Variants in TLL2 observed in about 807,000 individuals in gnomAD.
The protein encoded by TLL2 is tolloid-like protein 2.
Under a neutral mutation model 123.0 loss-of-function variants are expected in TLL2, and 106 were observed. That is an observed-to-expected ratio of 0.86 (90% CI 0.74 to 1.01). The LOEUF is 1.01. Among genes scored for constraint, TLL2 ranks in the 50% least tolerant of loss-of-function variants. TLL2 has a pLI of 0.00. For missense variants in TLL2, 1,332 were observed against 1,336.7 expected (o/e 1.00, Z 0.06); for synonymous variants, 494 against 516.8 (o/e 0.96, Z 0.60).
At chr10:96,461,145 T>A (rs145446472) in intron 2 of TLL2, among the ~76,000 whole-genome samples, 17 of 152,354 alleles carry the variant, frequency 1.1e-4, no homozygotes, top group African/African-American at 4.1e-4. Context: ...AAAAATTTAA[T>A]GGTATGGCTC....
chr10:96,379,684 T>A (rs1846168990), intron 16 of TLL2, among the ~76,000 whole-genome samples: 2 of 152,084 alleles, frequency 1.3e-5, no homozygotes, highest in Non-Finnish European at 2.9e-5. Flanking sequence ...TAGCCAGGCG[T>A]GGTGGTGCAT....
chr10:96,439,867 C>T (rs1171899578), intron 3 of TLL2, among the ~76,000 whole-genome samples: 2 of 152,058 alleles, frequency 1.3e-5, no homozygotes, highest in African/African-American at 4.8e-5. Flanking sequence ...CACTTTTGGC[C>T]CACACTATGT....
intron 1 of TLL2, among the ~76,000 whole-genome samples, chr10:96,499,719 G>GA (rs942478260): frequency 6.6e-6 from 1 of 152,086 alleles, no homozygotes; most frequent in African/African-American, 2.4e-5. Context: ...AATTTAGTAG[G>GA]AAAAGGGTTC....
rs558463753 is a variant in TLL2 at position 96,384,285 on chromosome 10, C to G, written c.2194+302G>C. 6.6e-5 allele frequency among the ~76,000 whole-genome samples: 10 copies of G among 152,328 alleles called. No homozygotes were observed. In the East Asian group the frequency reaches 1.9e-3, roughly 29 times the overall value. On this transcript the variant is annotated intron_variant, in intron 16 of 20. Transcript: ENST00000357947. ...GATTCTACCCTAGAACTTTCCGAGG[C>G]AGCATGGCCCTGCGAACACCTGGAT...
At chr10:96,411,794 T>A (rs189285153) in intron 8 of TLL2, among the ~76,000 whole-genome samples, 3 of 152,274 alleles carry the variant, frequency 2.0e-5, no homozygotes, top group Admixed American at 6.5e-5. Flanking sequence ...AGCTCCACAT[T>A]TTTTGGAGCT....
At position 96,395,923 on chromosome 10, in the gene TLL2, A is replaced by G; in HGVS notation, c.1482T>C (p.Ile494=). The G allele has an allele frequency of 6.2e-7, 1 of 1,614,216 alleles. No individual in the cohort carries two copies. The highest frequency in any genetic ancestry group is 8.5e-7 in the Non-Finnish European group (1 of 1,180,038). Residue 494 remains isoleucine, a synonymous_variant, in exon 12 of 21, where the codon ATT becomes ATC. Coordinates refer to ENST00000357947, the MANE Select transcript of TLL2 (RefSeq NM_012465.4). The stretch of plus-strand genomic sequence containing the variant: ...CCACGTGAAACCCCTCTGAAACCGT[A>G]ATCCTCCAGACACATTCCTTGGAAG... The part of the protein sequence containing the change: ...YRPSKECVWR[I]TVSEGFHVGL...
At chr10:96,464,071 C>T (rs1176815186) in intron 2 of TLL2, among the ~76,000 whole-genome samples, 2 of 152,152 alleles carry the variant, frequency 1.3e-5, no homozygotes, top group African/African-American at 2.4e-5. Flanking sequence ...TCTGTAGAAG[C>T]TGCCAGAACA....
chr10:96,370,401 C>A, intron 19 of TLL2, 86 bp from the exon 20 acceptor site: 1 of 1,465,356 alleles, frequency 6.8e-7, no homozygotes, highest in Non-Finnish European at 9.0e-7. Flanking sequence ...CTCTACAGAG[C>A]CTGGTGCGTG....
At chr10:96,464,931 C>A (rs1847113785) in intron 2 of TLL2, among the ~76,000 whole-genome samples, 1 of 152,126 alleles carries the variant, frequency 6.6e-6, no homozygotes, top group African/African-American at 2.4e-5. Flanking sequence ...TTTGTCCTTA[C>A]AAAAAAATCT....
intron 1 of TLL2, among the ~76,000 whole-genome samples, chr10:96,508,227 A>G (rs1329786162): frequency 6.6e-6 from 1 of 152,036 alleles, no homozygotes; most frequent in African/African-American, 2.4e-5. Context: ...TCCCAATGCC[A>G]CTCTGGGCAC....
chr10:96,370,642 G>T (rs1395884505), intron 19 of TLL2, among the ~76,000 whole-genome samples: 2 of 152,216 alleles, frequency 1.3e-5, no homozygotes, highest in Non-Finnish European at 2.9e-5. Flanking sequence ...CTCACTGGTC[G>T]CTGGGATATG....
rs138187841 is a variant in TLL2 at position 96,386,935 on chromosome 10, G to C, written c.1852+18C>G. 15 of 1,613,658 alleles carry C rather than the reference G, an allele frequency of 9.3e-6. No individual in the cohort carries two copies. In the African/African-American group the frequency reaches 1.7e-4, roughly 19 times the overall value. The stretch of plus-strand genomic sequence containing the variant: ...CCCATATACCCTCTCATTCTAGCTT[G>C]GCAGGTCCCACACCAACCTTCACAC... On this transcript the variant is annotated intron_variant, in intron 14 of 20. Coordinates refer to ENST00000357947, the MANE Select transcript of TLL2 (RefSeq NM_012465.4).
At chr10:96,371,430 G>A (rs1185749017) in intron 19 of TLL2, among the ~76,000 whole-genome samples, 1 of 152,212 alleles carries the variant, frequency 6.6e-6, no homozygotes, top group African/African-American at 2.4e-5. Flanking sequence ...CCTCCCCAGT[G>A]TGCTCCATGC....
chr10:96,387,068 C>T lies in TLL2; in HGVS notation c.1737G>A (p.Glu579=). 6.2e-7 allele frequency: 1 copy of T among 1,613,434 alleles called. No homozygotes were observed. Among genetic ancestry groups the T allele is most frequent in the Non-Finnish European group, 8.5e-7 (1 of 1,179,420 alleles). The change falls in exon 14 of 21, where the codon GAG becomes GAA. Residue 579 remains glutamate (E), a synonymous_variant. Transcript: ENST00000357947. ...ACCCGCCGTGATCTGGCCAGGAACA[C>T]TCATCCACCTCTGGTGGGGAAGGAA... ...FAANFFKEVD[E]CSWPDHGGCE... is the part of the protein sequence containing the mutation.
chr10:96,403,320 A>G (rs868175516), intron 10 of TLL2, among the ~76,000 whole-genome samples: 9 of 152,308 alleles, frequency 5.9e-5, no homozygotes, highest in East Asian at 3.9e-4. Flanking sequence ...TAGAAAGGGA[A>G]GACATAAGAG....
At chr10:96,464,476 G>A (rs899187904) in intron 2 of TLL2, among the ~76,000 whole-genome samples, 1 of 151,944 alleles carries the variant, frequency 6.6e-6, no homozygotes, top group Non-Finnish European at 1.5e-5. Context: ...TCACAACTCT[G>A]GCTCCCCTAC....
At chr10:96,397,831 C>A (rs1359198843) in intron 10 of TLL2, among the ~76,000 whole-genome samples, 1 of 152,190 alleles carries the variant, frequency 6.6e-6, no homozygotes, top group Non-Finnish European at 1.5e-5. Context: ...TTTTCCCCAT[C>A]CTGGTAGCCG....
At chr10:96,392,865 TGAG>T (rs1846301682) in intron 13 of TLL2, among the ~76,000 whole-genome samples, 1 of 152,132 alleles carries the variant, frequency 6.6e-6, no homozygotes, top group Non-Finnish European at 1.5e-5. Flanking sequence ...ATCTTGGAGA[TGAG>T]GAGATTCTCC....
intron 2 of TLL2, among the ~76,000 whole-genome samples, chr10:96,470,364 C>T (rs1178707177): frequency 6.6e-6 from 1 of 152,216 alleles, no homozygotes; most frequent in Non-Finnish European, 1.5e-5. Flanking sequence ...CCTCCTGGCT[C>T]CATCCACAGT....
Sources: allele counts gnomAD v4.1 joint callset (sites outside exome capture counted in the v4.1 genomes callset), GRCh38; gene constraint gnomAD v4.1.1; transcripts MANE v1.5; gene names NCBI Gene and HGNC (gene_info 2026-07-23, HGNC 2026-07-21).